NECAP2: variants seen among roughly 807,000 people sequenced by gnomAD.
NECAP2 encodes the protein adaptin ear-binding coat-associated protein 2.
In NECAP2, 38 loss-of-function variants were observed where a neutral mutation model predicts 37.8. The observed-to-expected ratio is 1.01, with a 90% confidence interval of 0.78 to 1.32. NECAP2 has a LOEUF of 1.32. Among genes scored for constraint, NECAP2 ranks in the 40% most tolerant of loss-of-function variants. NECAP2 has a pLI of 0.00. For synonymous variants in NECAP2, 121 were observed against 127.7 expected (o/e 0.95, Z 0.35); for missense variants, 316 against 334.5 (o/e 0.94, Z 0.43).
At chr1:16,445,842 T>A (rs2086752186) in intron 2 of NECAP2, among the ~76,000 whole-genome samples, 1 of 151,854 alleles carries the variant, frequency 6.6e-6, no homozygotes, top group Non-Finnish European at 1.5e-5. Flanking sequence ...AGGTAGAGAT[T>A]GCAGTGAGCC....
In NECAP2 at chr1:16,447,889, C is replaced by A; in HGVS notation, c.213C>A (p.Ala71=). 6.2e-7 allele frequency: 1 copy of A among 1,614,080 alleles called. No homozygotes were observed. Among genetic ancestry groups the A allele is most frequent in the African/African-American group, 1.3e-5 (1 of 75,034 alleles). The change falls in exon 3 of 8, where the codon GCC becomes GCA. Residue 71 remains alanine, a synonymous_variant. Coordinates refer to ENST00000337132, the MANE Select transcript of NECAP2 (RefSeq NM_018090.5). The part of the protein sequence containing the change: ...DRTSGELFAQ[A]PVDQFPGTAV... ...TTTCAGGGGAGCTCTTTGCTCAGGC[C>A]CCGGTGGATCAGTTTCCTGGCACAG...
At chr1:16,455,785 C>CTTCCTA (rs1557692833) in intron 6 of NECAP2, 33 bp from the exon 7 acceptor site, 1 of 1,580,890 alleles carries the variant, frequency 6.3e-7, no homozygotes, top group Admixed American at 1.7e-5. Context: ...CCCCTCTTCT[C>CTTCCTA]TTCCTACGGG....
intron 1 of NECAP2, 163 bp downstream of exon 1, chr1:16,441,016 C>A: frequency 1.7e-6 from 1 of 601,382 alleles, no homozygotes; most frequent in Admixed American, 2.6e-5. Flanking sequence ...GGAGGTGGAT[C>A]CAGAGTTTCG....
rs965652852 is a variant in NECAP2, at chr1:16,452,027, G to C, written c.667+12G>C. On this transcript the variant is annotated intron_variant, in intron 6 of 7. Transcript: ENST00000337132. ...TGCTCCCAGTTCAGGTTAGTGCTCA[G>C]TGGGTGACTGCTGCATCAGTACCTG... The C allele has an allele frequency of 4.2e-5, 66 of 1,554,120 alleles. 5 individuals are homozygous for C.
Position 16,442,651 on chromosome 1 carries a change from G to A in NECAP2, c.93-981G>A, listed in dbSNP as rs529979830. Among the ~76,000 whole-genome samples the A allele has an allele frequency of 6.6e-5, 10 of 152,328 alleles. No individual in the cohort carries two copies. In the East Asian group the frequency reaches 9.7e-4, roughly 15 times the overall value. On this transcript the variant is annotated intron_variant, in intron 1 of 7. Coordinates refer to ENST00000337132, the MANE Select transcript of NECAP2 (RefSeq NM_018090.5). ...TGCTTTAAAAGAGTCAAAACAGCTG[G>A]CTGTGGTGGCTCACGCCTGTAATCC...
At position 16,458,996 on chromosome 1, in the gene NECAP2, A is replaced by C; in HGVS notation, c.*106A>C. ...TCAGCTGGCCTGTGTTTGGGGCATG[A>C]ATCTCTCCTCTCCTCCTTGTCTGGC... is the stretch of plus-strand genomic sequence containing the variant. On this transcript the variant is annotated 3_prime_UTR_variant, in exon 8 of 8. Transcript: ENST00000337132. 6.3e-7 allele frequency: 1 copy of C among 1,595,940 alleles called. No individual in the cohort carries two copies. The highest frequency in any genetic ancestry group is 1.7e-4 in the Middle Eastern group (1 of 6,018).
At chr1:16,448,682 T>A (rs2086798455) in intron 4 of NECAP2, among the ~76,000 whole-genome samples, 1 of 152,140 alleles carries the variant, frequency 6.6e-6, no homozygotes, top group South Asian at 2.1e-4. Context: ...CCTCTACTTT[T>A]GGGTATCTGT....
chr1:16,457,350 G>A (rs922156571), intron 7 of NECAP2, among the ~76,000 whole-genome samples: 1 of 152,096 alleles, frequency 6.6e-6, no homozygotes, highest in African/African-American at 2.4e-5. Context: ...CCAGCTACTT[G>A]GGAGGCTGAG....
intron 5 of NECAP2, chr1:16,450,767 G>A (rs2086830864): frequency 6.6e-6 from 1 of 152,226 alleles, no homozygotes. Flanking sequence ...GACCAACATG[G>A]ACAAACCCTG....
chr1:16,457,446 C>A (rs561008272), intron 7 of NECAP2, among the ~76,000 whole-genome samples: 33 of 152,128 alleles, frequency 2.2e-4, no homozygotes, highest in African/African-American at 7.7e-4. Context: ...AGCAAGACTC[C>A]ATCTCAAAAA....
At chr1:16,449,341 C>T (rs146595797) in intron 5 of NECAP2, 140 bp downstream of exon 5, 673 of 616,522 alleles carry the variant, frequency 1.1e-3, no homozygotes, top group Middle Eastern at 2.2e-3. Context: ...GGTCCTGCAT[C>T]GGGGTGAACA....
chr1:16,442,551 C>G (rs1317894920), intron 1 of NECAP2, among the ~76,000 whole-genome samples: 2 of 152,204 alleles, frequency 1.3e-5, no homozygotes, highest in African/African-American at 4.8e-5. Context: ...TAAGAAAAGC[C>G]TCCTGGAAAC....
intron 2 of NECAP2, among the ~76,000 whole-genome samples, chr1:16,446,097 A>G (rs2086756899): frequency 6.6e-6 from 1 of 152,146 alleles, no homozygotes; most frequent in Non-Finnish European, 1.5e-5. Context: ...AAACCCGGCT[A>G]TTCGGGAGGT....
At chr1:16,445,889 G>A (rs1188339484) in intron 2 of NECAP2, among the ~76,000 whole-genome samples, 1 of 151,050 alleles carries the variant, frequency 6.6e-6, no homozygotes, top group Non-Finnish European at 1.5e-5. Context: ...GGGTGACAGA[G>A]CAAGACTGTC....
intron 5 of NECAP2, 123 bp downstream of exon 5, chr1:16,449,324 T>C: frequency 3.0e-6 from 2 of 658,784 alleles, no homozygotes; most frequent in East Asian, 2.8e-5. Context: ...GCATCTGCCT[T>C]GTGCCAGGTC....
chr1:16,441,137 T>C lies in NECAP2; in HGVS notation c.92+284T>C, dbSNP rs183298970. The C allele has an allele frequency of 7.7e-4, 355 of 461,666 alleles. 2 individuals carry two copies. Among genetic ancestry groups the C allele is most frequent in the African/African-American group, 6.4e-3 (322 of 50,698 alleles). 28.6% of individuals were successfully genotyped at this position (461,666 alleles called of 1,614,324 possible). ...CGGGTACCCTAAACTTGGTCGGGGG[T>C]GGTGATGTCACAGACGCTTCTCTTT... On this transcript the variant is annotated intron_variant, in intron 1 of 7. Transcript: ENST00000337132.
intron 1 of NECAP2, among the ~76,000 whole-genome samples, chr1:16,443,076 T>C (rs751389864): frequency 1.1e-4 from 16 of 152,222 alleles, no homozygotes; most frequent in Non-Finnish European, 2.1e-4. Context: ...ATAGTCTCAC[T>C]GGTCTCAAAT....
At chr1:16,442,540 C>G (rs2086704089) in intron 1 of NECAP2, among the ~76,000 whole-genome samples, 1 of 152,222 alleles carries the variant, frequency 6.6e-6, no homozygotes, top group Non-Finnish European at 1.5e-5. Flanking sequence ...ATAGGGACTT[C>G]TAAGAAAAGC....
chr1:16,452,415 G>A (rs1342716987), intron 6 of NECAP2, among the ~76,000 whole-genome samples: 1 of 152,146 alleles, frequency 6.6e-6, no homozygotes, highest in Non-Finnish European at 1.5e-5. Context: ...ATCAGCTGCT[G>A]TGATCTGGAG....
Sources: allele counts gnomAD v4.1 joint callset (sites outside exome capture counted in the v4.1 genomes callset), GRCh38; gene constraint gnomAD v4.1.1; transcripts MANE v1.5; gene names NCBI Gene and HGNC (gene_info 2026-07-23, HGNC 2026-07-21).